The following CDH2 variants were observed in gnomAD, a reference collection of about 807,000 sequenced individuals.
The protein encoded by CDH2 is cadherin 2, also known as cadherin-2.
CDH2 carries 17 observed loss-of-function variants against 92.0 expected under a neutral mutation model. The observed-to-expected ratio is 0.18, with a 90% confidence interval of 0.13 to 0.28. The LOEUF is 0.28. Among genes scored for constraint, CDH2 ranks in the 10% least tolerant of loss-of-function variants. The pLI is 1.00. For missense variants in CDH2, 862 were observed against 1,133.1 expected (o/e 0.76, Z 3.44); for synonymous variants, 419 against 415.9 (o/e 1.01, Z -0.09).
intron 1 of CDH2, among the ~76,000 whole-genome samples, chr18:28,172,933 T>TA (rs2016486386): frequency 6.6e-6 from 1 of 152,172 alleles, no homozygotes; most frequent in Non-Finnish European, 1.5e-5. Context: ...AAAGCAAGAT[T>TA]AACTGTTGCT....
chr18:28,092,898 C>T (rs2015062208), intron 2 of CDH2, among the ~76,000 whole-genome samples: 2 of 152,164 alleles, frequency 1.3e-5, no homozygotes, highest in Non-Finnish European at 2.9e-5. Context: ...GCCTATGCCA[C>T]CCCCTACATT....
At chr18:28,171,824 C>T (rs952212333) in intron 1 of CDH2, among the ~76,000 whole-genome samples, 42 of 152,124 alleles carry the variant, frequency 2.8e-4, no homozygotes, top group Non-Finnish European at 2.4e-4. Flanking sequence ...AATGAGGTCA[C>T]GGGACTTTAA....
At chr18:28,170,923 C>CAA (rs55875974) in intron 1 of CDH2, among the ~76,000 whole-genome samples, 162 of 137,234 alleles carry the variant, frequency 1.2e-3, no homozygotes, top group Middle Eastern at 3.8e-3. Flanking sequence ...ATACCTGTAC[C>CAA]AAAAAAAAAA....
At chr18:28,019,614 C>T (rs2144053081) in intron 2 of CDH2, among the ~76,000 whole-genome samples, 1 of 152,206 alleles carries the variant, frequency 6.6e-6, no homozygotes, top group South Asian at 2.1e-4. Context: ...GAGAGTCTGA[C>T]ACTAGAGAAA....
chr18:27,957,490 G>A (rs2011281700), intron 15 of CDH2, among the ~76,000 whole-genome samples: 1 of 151,866 alleles, frequency 6.6e-6, no homozygotes, highest in Non-Finnish European at 1.5e-5. Flanking sequence ...AGGCTCAAGC[G>A]ATCTGCCTGC....
intron 2 of CDH2, among the ~76,000 whole-genome samples, chr18:28,015,312 T>A (rs950816084): frequency 6.6e-6 from 1 of 152,196 alleles, no homozygotes; most frequent in Non-Finnish European, 1.5e-5. Context: ...TCTTTCATAT[T>A]TCAATCATTT....
At chr18:28,008,575 T>C (rs1272992255) in intron 5 of CDH2, among the ~76,000 whole-genome samples, 1 of 151,904 alleles carries the variant, frequency 6.6e-6, no homozygotes, top group Non-Finnish European at 1.5e-5. Context: ...GTGGAGAACA[T>C]CACACACTGG....
intron 2 of CDH2, among the ~76,000 whole-genome samples, chr18:28,048,358 T>C (rs8084090): frequency 0.052 from 7,855 of 152,276 alleles, 696 homozygotes; most frequent in African/African-American, 0.18. Flanking sequence ...ACTTTTCCAT[T>C]ACAGTTTTGC....
Position 28,124,703 on chromosome 18 carries a change from C to G in CDH2, c.172+22970G>C, listed in dbSNP as rs561691422. ...TTTTCTATTTCTTAACTCTTTTCAA[C>G]TTAAAACAAATAAAGTAATTGTTTC... is the stretch of plus-strand genomic sequence containing the variant. On this transcript the variant is annotated intron_variant, in intron 2 of 15. Coordinates refer to ENST00000269141, the MANE Select transcript of CDH2 (RefSeq NM_001792.5). 2.0e-5 allele frequency among the ~76,000 whole-genome samples: 3 copies of G among 152,268 alleles called. No individual in the cohort carries two copies. In the South Asian group the frequency reaches 6.2e-4, roughly 32 times the overall value.
At chr18:27,941,033 C>A (rs981725854) in intron 6 of CDH2, among the ~76,000 whole-genome samples, 1 of 124,604 alleles carries the variant, frequency 8.0e-6, no homozygotes, top group African/African-American at 3.0e-5. Flanking sequence ...TAAGTAGCAC[C>A]TTTTTTTTTT....
In CDH2 at chr18:28,002,995, AC is replaced by A. The variant is rs1567958914; in HGVS notation, c.1020+1del. On this transcript the variant is annotated splice_donor_variant, in intron 7 of 15. Transcript: ENST00000269141. LOFTEE classifies it high-confidence loss of function. ...CACAAATAGAGTTTTTGGTTGGCTT[AC>A]TTCTCGATCAAGTCCAGCTGCCACT... 1 of 1,612,752 alleles carries A rather than the reference AC, an allele frequency of 6.2e-7. No individual in the cohort carries two copies.
chr18:28,049,080 G>A (rs2014138359), intron 2 of CDH2, among the ~76,000 whole-genome samples: 1 of 152,026 alleles, frequency 6.6e-6, no homozygotes, highest in Admixed American at 6.5e-5. Context: ...AATACACAGT[G>A]ATTTTATTTT....
intron 2 of CDH2, among the ~76,000 whole-genome samples, chr18:28,100,461 C>A (rs149525036): frequency 5.9e-5 from 9 of 151,974 alleles, no homozygotes; most frequent in African/African-American, 1.9e-4. Context: ...TCTTGGGTCT[C>A]CAGCTTGCTG....
intron 2 of CDH2, among the ~76,000 whole-genome samples, chr18:28,067,681 A>G (rs17446253): frequency 9.2e-5 from 14 of 152,248 alleles, no homozygotes; most frequent in Non-Finnish European, 1.6e-4. Flanking sequence ...TTTAAACAGT[A>G]TCTCTTATTT....
chr18:27,973,743 G>A (rs17522144), intron 14 of CDH2, among the ~76,000 whole-genome samples: 2,581 of 152,258 alleles, frequency 0.017, 84 homozygotes, highest in African/African-American at 0.058. Context: ...TTATTTCCCA[G>A]GGAATTAGGA....
chr18:28,148,419 T>A (rs2016070829), intron 1 of CDH2, among the ~76,000 whole-genome samples: 1 of 152,198 alleles, frequency 6.6e-6, no homozygotes, highest in Non-Finnish European at 1.5e-5. Context: ...TAACCAAGTA[T>A]CTGTCATTTT....
At chr18:27,995,611 T>C (rs1166941007) in intron 7 of CDH2, among the ~76,000 whole-genome samples, 1 of 152,202 alleles carries the variant, frequency 6.6e-6, no homozygotes, top group Non-Finnish European at 1.5e-5. Flanking sequence ...CATGAAAGTA[T>C]AGTTATTTCC....
At chr18:28,116,715 G>C (rs766411100) in intron 2 of CDH2, among the ~76,000 whole-genome samples, 2 of 152,106 alleles carry the variant, frequency 1.3e-5, no homozygotes, top group Non-Finnish European at 2.9e-5. Context: ...CTTGAGCACA[G>C]AATCAGTGTA....
At chr18:28,089,871 G>A (rs982850006) in intron 2 of CDH2, among the ~76,000 whole-genome samples, 3 of 152,114 alleles carry the variant, frequency 2.0e-5, no homozygotes, top group African/African-American at 7.2e-5. Flanking sequence ...GACAGAGCCC[G>A]ATTCCTGTCC....
Sources: gnomAD v4.1 joint callset for allele counts (sites outside exome capture counted in the v4.1 genomes callset) on GRCh38, gnomAD v4.1.1 for gene constraint, MANE v1.5 for transcripts, NCBI Gene and HGNC (gene_info 2026-07-23, HGNC 2026-07-21) for gene names.